Variants in SPTLC1 observed in about 807,000 individuals in gnomAD.
SPTLC1 encodes serine palmitoyltransferase 1.
Under a neutral mutation model 68.9 loss-of-function variants are expected in SPTLC1, and 55 were observed. That is an observed-to-expected ratio of 0.80 (90% CI 0.64 to 1.00). The LOEUF (loss-of-function observed/expected upper bound fraction) is 1.00. Among genes scored for constraint, SPTLC1 ranks in the 50% least tolerant of loss-of-function variants. The probability of loss-of-function intolerance (pLI) is 0.00; values close to 1 mark genes in which losing one functional copy is unlikely to be tolerated. For missense variants in SPTLC1, 449 were observed against 573.1 expected, an observed-to-expected ratio of 0.78 and a Z score of 2.21; for synonymous variants, 197 against 201.6, an observed-to-expected ratio of 0.98 and a Z score of 0.19.
chr9:92,045,499 A>T lies in SPTLC1; in HGVS notation c.1136+500T>A, dbSNP rs577077466. Among the ~76,000 whole-genome samples the T allele has an allele frequency of 8.6e-3, 1,295 of 150,050 alleles. 29 individuals are homozygous for T. Among genetic ancestry groups the T allele is most frequent in the African/African-American group, 0.03 (1,210 of 40,610 alleles). Reference sequence around the variant, plus strand: ...ACCCTAAAACTTAAAGTATAATAAAAAAAAAAAAAGTGACTCTTGTGTAGT... The same window carrying T: ...ACCCTAAAACTTAAAGTATAATAAATAAAAAAAAAGTGACTCTTGTGTAGT... On this transcript the variant is annotated intron_variant, in intron 12 of 14. Transcript: ENST00000262554.
chr9:92,112,512 G>T lies in SPTLC1; in HGVS notation c.108C>A (p.Ile36=). The T allele has an allele frequency of 6.2e-7, 1 of 1,610,852 alleles. No individual in the cohort carries two copies. Among genetic ancestry groups the T allele is most frequent in the Non-Finnish European group, 8.5e-7 (1 of 1,179,608 alleles). The change falls in exon 2 of 15, where the codon ATC becomes ATA. Residue 36 remains isoleucine, a synonymous_variant. Transcript: ENST00000262554. The part of the protein sequence containing the change: ...ILEGILILWI[I]RLLFSKTYKL... ...TGTAAGTCTTAGAGAAAAGAAGTCT[G>T]ATTATCCAGAGGATCAGAATCCCTT...
chr9:92,104,498 C>G (rs1193375685), intron 3 of SPTLC1: 19 of 1,417,212 alleles, frequency 1.3e-5, no homozygotes, highest in South Asian at 7.6e-5. Flanking sequence ...TGGAGCCCCC[C>G]CCTCAAGGAA....
intron 4 of SPTLC1, 52 bp from the exon 5 acceptor site, chr9:92,080,140 A>T: frequency 6.9e-7 from 1 of 1,458,606 alleles, no homozygotes; most frequent in Non-Finnish European, 9.6e-7. Flanking sequence ...TAAGAGTTCA[A>T]AACAAACATT....
intron 3 of SPTLC1, among the ~76,000 whole-genome samples, chr9:92,081,536 G>A (rs1337410313): frequency 3.3e-5 from 5 of 152,184 alleles, no homozygotes; most frequent in South Asian, 4.1e-4. Context: ...CACTGGAGCC[G>A]GATATGAGCC....
At chr9:92,060,310 C>A (rs1397442377) in intron 6 of SPTLC1, among the ~76,000 whole-genome samples, 2 of 152,060 alleles carry the variant, frequency 1.3e-5, no homozygotes, top group African/African-American at 2.4e-5. Context: ...ATATCAAGAA[C>A]CAGAAGATAT....
chr9:92,042,582 T>C (rs938015880), intron 12 of SPTLC1, among the ~76,000 whole-genome samples: 10 of 152,210 alleles, frequency 6.6e-5, no homozygotes, highest in South Asian at 2.1e-4. Flanking sequence ...AAGGGCTTTA[T>C]AGGAATTCCA....
chr9:92,083,939 C>T (rs563798798), intron 3 of SPTLC1, among the ~76,000 whole-genome samples: 222 of 152,280 alleles, frequency 1.5e-3, no homozygotes, highest in African/African-American at 5.1e-3. Context: ...TGTAGTTCTC[C>T]TTGAAGGGGT....
At chr9:92,070,176 A>G (rs928282348) in intron 5 of SPTLC1, 1 of 152,230 alleles carries the variant, frequency 6.6e-6, no homozygotes, top group African/African-American at 2.4e-5. Context: ...TCCTTCTATC[A>G]GAAGACACTG....
chr9:92,080,955 C>T lies in SPTLC1; in HGVS notation c.269G>A (p.Ser90Asn), dbSNP rs946291571. 15 of 1,613,616 alleles carry T rather than the reference C, an allele frequency of 9.3e-6. No individual in the cohort carries two copies. In the Admixed American group the frequency reaches 2.0e-4, roughly 22 times the overall value. The change falls in exon 4 of 15, where the codon AGC becomes AAC. Residue 90 changes from serine to asparagine, a missense_variant. Coordinates refer to ENST00000262554, the MANE Select transcript of SPTLC1 (RefSeq NM_006415.4). ...LNYNIVSGPP[S>N]HKTVVNGKEC... is the part of the protein sequence containing the mutation. ...TTTTCCATTCACCACAGTTTTGTGGCTTGGAGGGCTAGGGAAGAGATAGAG... is the reference window on the plus strand; with the variant it reads ...TTTTCCATTCACCACAGTTTTGTGGTTTGGAGGGCTAGGGAAGAGATAGAG...
In SPTLC1 at chr9:92,115,372, G is replaced by C; in HGVS notation, c.-2C>G. The C allele has an allele frequency of 6.2e-7, 1 of 1,613,218 alleles. No individual in the cohort carries two copies. Among genetic ancestry groups the C allele is most frequent in the Non-Finnish European group, 8.5e-7 (1 of 1,179,966 alleles). ...CCACTGCTCCGTGGCGGTCGCCATA[G>C]TTAGCCGCTTCCTTCCGGAAGGCGG... On this transcript the variant is annotated 5_prime_UTR_variant, in exon 1 of 15. Transcript: ENST00000262554.
intron 5 of SPTLC1, chr9:92,070,036 T>C (rs1489865574): frequency 6.6e-6 from 1 of 152,190 alleles, no homozygotes; most frequent in Non-Finnish European, 1.5e-5. Context: ...GTTACAAATC[T>C]TCCCATCATT....
chr9:92,108,901 C>G, intron 2 of SPTLC1, 67 bp from the exon 3 acceptor site: 5 of 1,587,204 alleles, frequency 3.2e-6, no homozygotes, highest in Non-Finnish European at 4.3e-6. Flanking sequence ...GTCTCTGCAA[C>G]TTCAGTATTT....
At chr9:92,095,471 G>A (rs1368788534) in intron 3 of SPTLC1, among the ~76,000 whole-genome samples, 2 of 152,130 alleles carry the variant, frequency 1.3e-5, no homozygotes, top group African/African-American at 2.4e-5. Flanking sequence ...TCTATCATGA[G>A]GAAAATGGAG....
intron 5 of SPTLC1, among the ~76,000 whole-genome samples, chr9:92,075,634 G>A (rs2118649346): frequency 6.6e-6 from 1 of 152,310 alleles, no homozygotes; most frequent in East Asian, 1.9e-4. Flanking sequence ...TGCCACAGCA[G>A]CCACAGCCCT....
In SPTLC1 at chr9:92,047,284, T is replaced by C. The variant is rs550354295; in HGVS notation, c.985-16A>G. ...CGGAAAGTCGCTGAGAAGAAACAAA[T>C]GAAGACATATACACATTCTCTGTCC... is the stretch of plus-strand genomic sequence containing the variant. On this transcript the variant is annotated splice_polypyrimidine_tract_variant and intron_variant, in intron 10 of 14. Coordinates refer to ENST00000262554, the MANE Select transcript of SPTLC1 (RefSeq NM_006415.4). The C allele has an allele frequency of 8.1e-6, 13 of 1,600,932 alleles. No homozygotes were observed. In the African/African-American group the frequency reaches 1.6e-4, roughly 20 times the overall value.
At chr9:92,068,871 T>C (rs1158768368) in intron 5 of SPTLC1, among the ~76,000 whole-genome samples, 1 of 152,122 alleles carries the variant, frequency 6.6e-6, no homozygotes, top group East Asian at 1.9e-4. Flanking sequence ...CTGGCCAGCT[T>C]AGAATCTTAA....
chr9:92,074,788 T>A (rs1834621960), intron 5 of SPTLC1, among the ~76,000 whole-genome samples: 1 of 149,962 alleles, frequency 6.7e-6, no homozygotes, highest in Non-Finnish European at 1.5e-5. Flanking sequence ...TCCCCATTCA[T>A]CCTGTCATGC....
At chr9:92,087,816 G>A (rs920962751) in intron 3 of SPTLC1, among the ~76,000 whole-genome samples, 5 of 152,268 alleles carry the variant, frequency 3.3e-5, no homozygotes, top group African/African-American at 1.2e-4. Context: ...GGTTACTGCT[G>A]TCTTTTTGTT....
At position 92,072,811 on chromosome 9, in the gene SPTLC1, G is replaced by A. The variant is rs578056982; in HGVS notation, c.428-4713C>T. Among the ~76,000 whole-genome samples, 13 of 152,148 alleles carry A rather than the reference G, an allele frequency of 8.5e-5. No individual in the cohort carries two copies. In the East Asian group the frequency reaches 2.5e-3, roughly 29 times the overall value. On this transcript the variant is annotated intron_variant, in intron 5 of 14. Coordinates refer to ENST00000262554, the MANE Select transcript of SPTLC1 (RefSeq NM_006415.4). ...ATGGTCTGAGGTACCCTACATCCAG[G>A]CATTTTTTACTATGATCTCTCCCTA...
Sources: allele counts gnomAD v4.1 joint callset (sites outside exome capture counted in the v4.1 genomes callset), GRCh38; gene constraint gnomAD v4.1.1; transcripts MANE v1.5; gene names NCBI Gene and HGNC (gene_info 2026-07-23, HGNC 2026-07-21).